DCST2: variants seen among roughly 807,000 people sequenced by gnomAD.
DCST2 encodes DC-STAMP domain containing 2, also known as DC-STAMP domain-containing protein 2.
Under a neutral mutation model 81.8 loss-of-function variants are expected in DCST2, and 64 were observed. The ratio of observed to expected loss-of-function variants is 0.78; its 90% confidence interval spans 0.64 to 0.96. The LOEUF is 0.96. Ranked by LOEUF, DCST2 falls within the 40% of genes least tolerant of loss-of-function variation. DCST2 has a pLI of 0.00. For missense variants in DCST2, 945 were observed against 1,001.4 expected (o/e 0.94, Z 0.76); for synonymous variants, 354 against 402.6 (o/e 0.88, Z 1.44).
At chr1:155,024,682 C>A (rs1348905611) in intron 10 of DCST2, 80 bp from the exon 11 acceptor site, 7 of 1,398,888 alleles carry the variant, frequency 5.0e-6, no homozygotes. Flanking sequence ...CCACTACCTA[C>A]CTTTTCCTTC....
intron 3 of DCST2, among the ~76,000 whole-genome samples, chr1:155,032,223 G>C (rs1372765147): frequency 6.6e-6 from 1 of 151,830 alleles, no homozygotes; most frequent in African/African-American, 2.4e-5. Context: ...TTGATCTCCT[G>C]ACCTCCTGAT....
rs754276669 is a variant in DCST2, at chr1:155,018,741, C to G, written c.2125G>C (p.Gly709Arg). 1.2e-5 allele frequency: 19 copies of G among 1,613,020 alleles called. No individual in the cohort carries two copies. In the Admixed American group the frequency reaches 3.2e-4, roughly 27 times the overall value. Residue 709 changes from glycine to arginine, a missense_variant, in exon 15 of 15, where the codon GGG becomes CGG. Gly to Arg is a moderately radical substitution (Grantham distance 125). Coordinates refer to ENST00000368424, the MANE Select transcript of DCST2 (RefSeq NM_144622.3). Reference protein sequence around the residue: ...SESSDLDEEKGPQQRKHGQQP... With the variant: ...SESSDLDEEKRPQQRKHGQQP... ...TGCCCGTGCTTCCTCTGCTGAGGCC[C>G]CTTCTCCTCATCCAGGTCACTAGTG... is the stretch of plus-strand genomic sequence containing the variant.
At chr1:155,019,677 A>T (rs567010762) in intron 14 of DCST2, among the ~76,000 whole-genome samples, 1 of 152,240 alleles carries the variant, frequency 6.6e-6, no homozygotes, top group South Asian at 2.1e-4. Context: ...TACCAAAGAC[A>T]CCTCAATTCT....
chr1:155,023,304 G>C (rs747675172), intron 13 of DCST2, 47 bp from the exon 14 acceptor site: 2 of 1,613,368 alleles, frequency 1.2e-6, no homozygotes, highest in East Asian at 4.5e-5. Context: ...CCTGGGAGAA[G>C]GGTGCCTACT....
In DCST2 at chr1:155,031,702, T is replaced by C; in HGVS notation, c.611A>G (p.Asn204Ser). 2 of 1,614,084 alleles carry C rather than the reference T, an allele frequency of 1.2e-6. No individual in the cohort carries two copies. The highest frequency in any genetic ancestry group is 1.7e-6 in the Non-Finnish European group (2 of 1,180,020). The change falls in exon 4 of 15, where the codon AAC (asparagine) becomes AGC (serine). Residue 204 changes from asparagine (N) to serine (S), a missense_variant. Transcript: ENST00000368424. ...IGDVCNSELGNPYLKCARVFD... is the reference protein window; with the variant it reads ...IGDVCNSELGSPYLKCARVFD... ...AACCCGTGCACACTTCAGGTAAGGGTTGCCCAGTTCCGAGTTGCACACATC... is the reference window on the plus strand; with the variant it reads ...AACCCGTGCACACTTCAGGTAAGGGCTGCCCAGTTCCGAGTTGCACACATC...
In DCST2 at chr1:155,033,693, T is replaced by A. The variant is rs1307363926; in HGVS notation, c.9A>T (p.Lys3Asn). The A allele has an allele frequency of 1.2e-6, 2 of 1,613,202 alleles. No individual in the cohort carries two copies. Among genetic ancestry groups the A allele is most frequent in the Admixed American group, 3.3e-5 (2 of 59,952 alleles). Reference sequence around the variant, plus strand: ...AGGGGTGCACAACATCCTTCATGACTTTGGGCATGGCTGCTGAGACCAAAT... The same window carrying A: ...AGGGGTGCACAACATCCTTCATGACATTGGGCATGGCTGCTGAGACCAAAT... MP[K>N]VMKDVVHPLG... Residue 3 changes from lysine to asparagine, a missense_variant, in exon 1 of 15, where the codon AAA (lysine) becomes AAT (asparagine). Lys to Asn is a moderately conservative substitution (Grantham distance 94). Transcript: ENST00000368424.
intron 4 of DCST2, 119 bp downstream of exon 4, chr1:155,031,455 T>G: frequency 1.8e-6 from 2 of 1,132,574 alleles, no homozygotes; most frequent in Non-Finnish European, 2.5e-6. Context: ...AGCTTATTGG[T>G]TCCTCTCTGT....
intron 10 of DCST2, among the ~76,000 whole-genome samples, chr1:155,025,188 G>T (rs966614330): frequency 1.3e-5 from 2 of 151,610 alleles, no homozygotes; most frequent in Non-Finnish European, 2.9e-5. Context: ...TGTCTGGCCT[G>T]CCTCGAATCT....
intron 7 of DCST2, among the ~76,000 whole-genome samples, chr1:155,029,868 T>C (rs1456887049): frequency 6.6e-6 from 1 of 152,244 alleles, no homozygotes; most frequent in Non-Finnish European, 1.5e-5. Flanking sequence ...AGGGTGTCTA[T>C]GTTCCCCCTT....
intron 3 of DCST2, among the ~76,000 whole-genome samples, chr1:155,032,253 A>C (rs1309477158): frequency 2.6e-5 from 4 of 151,108 alleles, no homozygotes; most frequent in African/African-American, 9.7e-5. Flanking sequence ...CAGCCTCCCA[A>C]AGTGCTGGGA....
Position 155,029,444 on chromosome 1 carries a change from T to C in DCST2, c.1178-47A>G, listed in dbSNP as rs1660005914. Reference sequence around the variant, plus strand: ...AGGAGGATGCTCCCCAGTTCTCCCGTCCACCAGATCCCAGTTCTTGGAGAG... The same window carrying C: ...AGGAGGATGCTCCCCAGTTCTCCCGCCCACCAGATCCCAGTTCTTGGAGAG... On this transcript the variant is annotated intron_variant, in intron 7 of 14. Coordinates refer to ENST00000368424, the MANE Select transcript of DCST2 (RefSeq NM_144622.3). 2.5e-6 allele frequency: 4 copies of C among 1,590,168 alleles called. No homozygotes were observed. The South Asian group carries it at 4.5e-5, about 18-fold the overall frequency.
rs138191548 is a variant in DCST2, at chr1:155,029,378, T to C, written c.1197A>G (p.Gln399=). ...YIPPGSIFLS[Q]WEKFFYILET... ...CCAGAATGTAAAAAAACTTCTCCCA[T>C]TGGGACAAGAAGATGGAGCCTGAGC... is the stretch of plus-strand genomic sequence containing the variant. Residue 399 remains glutamine, a synonymous_variant, in exon 8 of 15, where the codon CAA becomes CAG. Coordinates refer to ENST00000368424, the MANE Select transcript of DCST2 (RefSeq NM_144622.3). The C allele has an allele frequency of 2.7e-5, 44 of 1,613,900 alleles. 1 individual carries two copies. The East Asian group carries it at 6.2e-4, about 23-fold the overall frequency.
Position 155,030,167 on chromosome 1 carries a change from C to A in DCST2, c.1094G>T (p.Arg365Leu), listed in dbSNP as rs200847364. The change falls in exon 7 of 15, where the codon CGC becomes CTC. Residue 365 changes from arginine (R) to leucine (L), a missense_variant. Arg to Leu is a moderately radical substitution (Grantham distance 102). Coordinates refer to ENST00000368424, the MANE Select transcript of DCST2 (RefSeq NM_144622.3). Reference sequence around the variant, plus strand: ...TGCCGTGGAGCGCACAGCCTCCATGCGCAGGAATCGGCTAGTGATGTAGAT... The same window carrying A: ...TGCCGTGGAGCGCACAGCCTCCATGAGCAGGAATCGGCTAGTGATGTAGAT... ...DNIYITSRFLRMEAVRSTAGL... is the reference protein window; with the variant it reads ...DNIYITSRFLLMEAVRSTAGL... 32 of 1,614,036 alleles carry A rather than the reference C, an allele frequency of 2.0e-5. No individual in the cohort carries two copies. The highest frequency in any genetic ancestry group is 2.5e-5 in the Non-Finnish European group (30 of 1,180,036).
chr1:155,026,872 T>A, intron 8 of DCST2, 157 bp from the exon 9 acceptor site: 1 of 838,634 alleles, frequency 1.2e-6, no homozygotes, highest in Non-Finnish European at 1.8e-6. Flanking sequence ...CATGGTGCCC[T>A]GGGGCCTGAC....
chr1:155,031,042 G>C (rs1448402188), intron 5 of DCST2, 127 bp downstream of exon 5: 1 of 1,026,398 alleles, frequency 9.7e-7, no homozygotes, highest in East Asian at 2.6e-5. Context: ...GTGATCACTT[G>C]AGCCCCTTTC....
intron 8 of DCST2, among the ~76,000 whole-genome samples, chr1:155,028,527 T>G (rs1474584753): frequency 6.8e-6 from 1 of 148,084 alleles, no homozygotes; most frequent in Non-Finnish European, 1.5e-5. Context: ...GAGATTGTAG[T>G]GAGCCAAGAT....
rs759128604 is a variant in DCST2 at position 155,033,443 on chromosome 1, C to T, written c.259G>A (p.Ala87Thr). 1 of 1,613,266 alleles carries T rather than the reference C, an allele frequency of 6.2e-7. No homozygotes were observed. Among genetic ancestry groups the T allele is most frequent in the Non-Finnish European group, 8.5e-7 (1 of 1,179,440 alleles). Residue 87 changes from alanine to threonine, a missense_variant, in exon 1 of 15, where the codon GCC becomes ACC. Transcript: ENST00000368424. ...TGGGTGCCAAGCTCACTGGAGAAGG[C>T]CTGAGGCAGCAGCAGGAGGACAGTG... ...RATVLLLLPQ[A>T]FSRQGRTLLL... is the part of the protein sequence containing the mutation.
intron 3 of DCST2, 78 bp from the exon 4 acceptor site, chr1:155,031,849 A>G: frequency 6.9e-7 from 1 of 1,440,894 alleles, no homozygotes; most frequent in Non-Finnish European, 9.5e-7. Flanking sequence ...ACAATACCAC[A>G]GTATCCAGGG....
intron 11 of DCST2, 44 bp from the exon 12 acceptor site, chr1:155,024,003 C>A: frequency 6.3e-7 from 1 of 1,590,944 alleles, no homozygotes; most frequent in South Asian, 1.1e-5. Flanking sequence ...GCCCAGCCAG[C>A]TTAACCCTCC....
Sources: gnomAD v4.1 joint callset for allele counts (sites outside exome capture counted in the v4.1 genomes callset) on GRCh38, gnomAD v4.1.1 for gene constraint, MANE v1.5 for transcripts, NCBI Gene and HGNC (gene_info 2026-07-23, HGNC 2026-07-21) for gene names.